The following KIF21B variants were observed in gnomAD, a reference collection of about 807,000 sequenced individuals.
The protein encoded by KIF21B is kinesin family member 21B.
KIF21B carries 85 observed loss-of-function variants against 192.9 expected under a neutral mutation model. That is an observed-to-expected ratio of 0.44 (90% CI 0.37 to 0.53). KIF21B has a LOEUF of 0.53. Among genes scored for constraint, KIF21B ranks in the 20% least tolerant of loss-of-function variants. The pLI, the probability that KIF21B is intolerant of heterozygous loss-of-function variation, is 0.00. For missense variants in KIF21B, 1,716 were observed against 2,194.8 expected (o/e 0.78, Z 4.36); for synonymous variants, 832 against 884.6 (o/e 0.94, Z 1.05).
intron 26 of KIF21B, among the ~76,000 whole-genome samples, chr1:200,986,636 G>C (rs1656322260): frequency 2.0e-5 from 3 of 152,206 alleles, no homozygotes; most frequent in African/African-American, 4.8e-5. Context: ...GGGATTACAG[G>C]TGTGAGCCAT....
intron 28 of KIF21B, among the ~76,000 whole-genome samples, 195 bp from the exon 29 acceptor site, chr1:200,981,291 G>A (rs893555659): frequency 3.9e-5 from 6 of 152,232 alleles, no homozygotes; most frequent in Non-Finnish European, 2.9e-5. Context: ...GAGATAGCCT[G>A]TCTTAATCAG....
intron 1 of KIF21B, among the ~76,000 whole-genome samples, chr1:201,019,058 C>T (rs7526269): frequency 6.6e-6 from 1 of 152,180 alleles, no homozygotes; most frequent in Non-Finnish European, 1.5e-5. Flanking sequence ...TCTCAGCCTC[C>T]TGAGTAGCTG....
chr1:200,984,766 T>C, intron 27 of KIF21B, 93 bp downstream of exon 27: 1 of 914,004 alleles, frequency 1.1e-6, no homozygotes, highest in Admixed American at 3.4e-5. Flanking sequence ...GGGGTTGGCT[T>C]GGCCACCTGA....
At position 200,981,050 on chromosome 1, in the gene KIF21B, G is replaced by A; in HGVS notation, c.3889C>T (p.Pro1297Ser). ...VGGAKGARTAPLQCVSMAEGH... is the reference protein window; with the variant it reads ...VGGAKGARTASLQCVSMAEGH... Reference sequence around the variant, plus strand: ...TCGGCCATGGAGACACACTGCAGTGGGGCCGTCCGTGCACCCTTGGCTCCT... The same window carrying A: ...TCGGCCATGGAGACACACTGCAGTGAGGCCGTCCGTGCACCCTTGGCTCCT... Residue 1297 changes from proline (P) to serine (S), a missense_variant, in exon 29 of 35, where the codon CCA becomes TCA. By Grantham distance (74) the Pro-to-Ser change is moderately conservative (BLOSUM62 -1). Around this residue, in one of 3 missense-constraint regions of KIF21B, gnomAD observed 580 missense variants for 775.5 expected, o/e 0.75. Coordinates refer to ENST00000461742, the MANE Select transcript of KIF21B (RefSeq NM_001252102.2). 6.2e-7 allele frequency: 1 copy of A among 1,609,436 alleles called. No individual in the cohort carries two copies. The highest frequency in any genetic ancestry group is 8.5e-7 in the Non-Finnish European group (1 of 1,178,282).
chr1:201,023,459 G>C lies in KIF21B; in HGVS notation c.-76C>G, dbSNP rs1367162436. The C allele has an allele frequency of 8.8e-7, 1 of 1,141,378 alleles. No individual in the cohort carries two copies. The highest frequency in any genetic ancestry group is 1.1e-6 in the Non-Finnish European group (1 of 890,706). 70.7% of individuals were successfully genotyped at this position (1,141,378 alleles called of 1,614,324 possible). On this transcript the variant is annotated 5_prime_UTR_variant, in exon 1 of 35. Transcript: ENST00000461742. The surrounding 1 kb of genome is among the most constrained non-coding windows in gnomAD (Gnocchi z 5.9). ...GCCAATGCCCGAGGCAGCGGCTGCG[G>C]CTGCGGGAGGCGGGGGCGCGGGCGC...
chr1:201,008,291 C>T (rs2102461256), intron 3 of KIF21B, among the ~76,000 whole-genome samples: 2 of 152,268 alleles, frequency 1.3e-5, no homozygotes, highest in Middle Eastern at 3.4e-3. Flanking sequence ...GACCTTTCTG[C>T]CCTGGGGTCA....
In KIF21B at chr1:200,991,681, C is replaced by A; in HGVS notation, c.2430G>T (p.Met810Ile). 6.2e-7 allele frequency: 1 copy of A among 1,614,146 alleles called. No individual in the cohort carries two copies. Among genetic ancestry groups the A allele is most frequent in the Middle Eastern group, 1.7e-4 (1 of 6,010 alleles). ...CCTCCTGGGTCTTCCTCCTCAGGAC[C>A]ATCTCCTGCTGCCGCTTCTGGGACT... is the stretch of plus-strand genomic sequence containing the variant. ...ALESQKRQQE[M>I]VLRRKTQEVS... The change falls in exon 17 of 35, where the codon ATG (methionine) becomes ATT (isoleucine). Residue 810 changes from methionine (M) to isoleucine (I), a missense_variant. Transcript: ENST00000461742.
At chr1:200,986,002 C>T (rs552845628) in intron 26 of KIF21B, among the ~76,000 whole-genome samples, 3 of 151,250 alleles carry the variant, frequency 2.0e-5, no homozygotes, top group African/African-American at 7.3e-5. Context: ...CACACCACCA[C>T]GCCCAGCCAA....
In KIF21B at chr1:201,002,176, G is replaced by A; in HGVS notation, c.1387C>T (p.Leu463=). ...TQLMSQEANL[L]LAKAGDGNEA... ...CCCAACTCACCGGCCTTGGCTAGCA[G>A]CAGGTTGGCCTCCTGGCTCATGAGC... Residue 463 remains leucine, a synonymous_variant, in exon 9 of 35, where the codon CTG becomes TTG. Coordinates refer to ENST00000461742, the MANE Select transcript of KIF21B (RefSeq NM_001252102.2). 1 of 1,614,070 alleles carries A rather than the reference G, an allele frequency of 6.2e-7. No individual in the cohort carries two copies. Among genetic ancestry groups the A allele is most frequent in the Non-Finnish European group, 8.5e-7 (1 of 1,180,036 alleles).
intron 30 of KIF21B, 115 bp downstream of exon 30, chr1:200,979,420 C>T (rs1655768049): frequency 1.4e-6 from 1 of 711,300 alleles, no homozygotes; most frequent in Non-Finnish European, 2.2e-6. Context: ...GTAATGGTCT[C>T]TGTGCCCATG....
chr1:201,000,333 C>A lies in KIF21B; in HGVS notation c.1685+57G>T. 5 of 1,477,090 alleles carry A rather than the reference C, an allele frequency of 3.4e-6. 1 individual carries two copies. In the South Asian group the frequency reaches 4.0e-5, roughly 12 times the overall value. The allele number at this position is 1,477,090 out of a possible 1,614,324, so 91.5% of individuals were successfully genotyped here. A position where few individuals can be genotyped will look rare whatever the true frequency, so the allele number is the denominator to read the frequency against. ...GGCAGCAGTCCTCCTTGGGGACGGGCAGGGTCCACTGGGGCGGTCTGAGGG... is the reference window on the plus strand; with the variant it reads ...GGCAGCAGTCCTCCTTGGGGACGGGAAGGGTCCACTGGGGCGGTCTGAGGG... On this transcript the variant is annotated intron_variant, in intron 11 of 34. Coordinates refer to ENST00000461742, the MANE Select transcript of KIF21B (RefSeq NM_001252102.2). The surrounding 1 kb of genome is among the most constrained non-coding windows in gnomAD (Gnocchi z 6.0).
intron 1 of KIF21B, among the ~76,000 whole-genome samples, chr1:201,019,734 C>T (rs763338977): frequency 6.6e-6 from 1 of 152,132 alleles, no homozygotes; most frequent in Non-Finnish European, 1.5e-5. Flanking sequence ...TCCACACAGC[C>T]CACATGAGGC....
chr1:200,974,272 C>T (rs907896539), intron 34 of KIF21B: 75 of 1,473,660 alleles, frequency 5.1e-5, no homozygotes, highest in Admixed American at 7.1e-5. Flanking sequence ...GGGACAAAGT[C>T]GGAACAAGAA....
intron 16 of KIF21B, 129 bp from the exon 17 acceptor site, chr1:200,991,854 G>T: frequency 1.1e-6 from 1 of 936,706 alleles, no homozygotes; most frequent in Non-Finnish European, 1.6e-6. Context: ...CCAAACTCTT[G>T]ATAAAGTGGG....
intron 1 of KIF21B, among the ~76,000 whole-genome samples, chr1:201,012,795 C>G (rs1287733639): frequency 1.3e-5 from 2 of 152,180 alleles, no homozygotes; most frequent in African/African-American, 4.8e-5. Flanking sequence ...AGGCACGCAC[C>G]ATCATGCCCA....
intron 15 of KIF21B, among the ~76,000 whole-genome samples, chr1:200,995,286 C>T (rs1407541055): frequency 6.6e-6 from 1 of 152,238 alleles, no homozygotes; most frequent in Non-Finnish European, 1.5e-5. Context: ...AAGGCCAGCC[C>T]TTCACAGCTT....
At chr1:200,992,668 G>T (rs1382306572) in intron 15 of KIF21B, among the ~76,000 whole-genome samples, 3 of 152,224 alleles carry the variant, frequency 2.0e-5, no homozygotes, top group Non-Finnish European at 4.4e-5. Context: ...TTGCTGCTTG[G>T]AATGCCACAG....
intron 34 of KIF21B, chr1:200,974,215 G>A: frequency 1.3e-6 from 2 of 1,530,408 alleles, no homozygotes; most frequent in Non-Finnish European, 1.8e-6. Flanking sequence ...AGAGAGGCGA[G>A]GACAGAGAGG....
rs296569 is a variant in KIF21B at position 200,972,627 on chromosome 1, G to A, written c.*894C>T. 0.14 allele frequency: 21,073 copies of A among 152,874 alleles called. 1,736 individuals carry two copies. Among genetic ancestry groups the A allele is most frequent in the Middle Eastern group, 0.19 (56 of 296 alleles). 9.5% of individuals were successfully genotyped at this position (152,874 alleles called of 1,614,324 possible). A position where few individuals can be genotyped will look rare whatever the true frequency, so the allele number is the denominator to read the frequency against. ...CGGAGGAAGGCACTGAGCGTCAGGC[G>A]GCCTAGAGGCCAGGGGTAGCTAGAA... On this transcript the variant is annotated 3_prime_UTR_variant, in exon 35 of 35. Transcript: ENST00000461742.
Sources: gnomAD v4.1 joint callset for allele counts (sites outside exome capture counted in the v4.1 genomes callset) on GRCh38, gnomAD v4.1.1 for gene constraint, gnomAD v4.1.1 regional missense constraint, Gnocchi (gnomAD v3.1) non-coding constraint, MANE v1.5 for transcripts, NCBI Gene and HGNC (gene_info 2026-07-23, HGNC 2026-07-21) for gene names.